The following ABCC1 variants were observed in gnomAD, a reference collection of about 807,000 sequenced individuals.
The protein encoded by ABCC1 is multidrug resistance-associated protein 1.
ABCC1 carries 83 observed loss-of-function variants against 172.9 expected under a neutral mutation model. The observed-to-expected ratio is 0.48, with a 90% CI of 0.40 to 0.58. The LOEUF (loss-of-function observed/expected upper bound fraction) is 0.58. Among genes scored for constraint, ABCC1 ranks in the 20% least tolerant of loss-of-function variants. The pLI is 0.00. For missense variants in ABCC1, 1,817 were observed against 2,002.7 expected (o/e 0.91, Z 1.77); for synonymous variants, 937 against 825.2 (o/e 1.14, Z -2.32).
chr16:16,109,877 C>T (rs1276472740), intron 21 of ABCC1, among the ~76,000 whole-genome samples: 2 of 152,162 alleles, frequency 1.3e-5, no homozygotes, highest in Non-Finnish European at 2.9e-5. Flanking sequence ...TGCTTTCTGT[C>T]AGTCTTGGCT....
intron 29 of ABCC1, among the ~76,000 whole-genome samples, chr16:16,137,173 A>G (rs1316003952): frequency 6.6e-6 from 1 of 152,196 alleles, no homozygotes; most frequent in Non-Finnish European, 1.5e-5. Flanking sequence ...ATGTTCAACC[A>G]TAAAGCAACG....
At chr16:16,133,404 TTTG>T (rs2045783967) in intron 27 of ABCC1, among the ~76,000 whole-genome samples, 1 of 151,282 alleles carries the variant, frequency 6.6e-6, no homozygotes, top group Non-Finnish European at 1.5e-5. Flanking sequence ...TTGTTTTTGT[TTTG>T]TTTTGTTTTG....
intron 1 of ABCC1, among the ~76,000 whole-genome samples, chr16:15,984,964 G>A (rs1341495954): frequency 5.3e-5 from 8 of 151,866 alleles, no homozygotes; most frequent in Non-Finnish European, 8.8e-5. Flanking sequence ...TTGGCTGGGC[G>A]TGGTGGCATA....
chr16:15,999,717 C>T lies in ABCC1; in HGVS notation c.49-8099C>T, dbSNP rs996776827. Among the ~76,000 whole-genome samples, 12 of 144,784 alleles carry T rather than the reference C, an allele frequency of 8.3e-5. No individual in the cohort carries two copies. In the East Asian group the frequency reaches 1.9e-3, roughly 23 times the overall value. The allele number at this position is 144,784 out of a possible 152,430, so 95.0% of individuals were successfully genotyped here. ...CTGGGCTCCAGCTGTCCTCCCATTT[C>T]GGTCTCCCAAATTGCTGGGATTAAA... is the stretch of plus-strand genomic sequence containing the variant. On this transcript the variant is annotated intron_variant, in intron 1 of 30. Transcript: ENST00000399410.
rs560919449 is a variant in ABCC1, at chr16:16,012,263, G to A, written c.352-2228G>A. ...GGTCACCTGGTCAGTAAGTGGTAGA[G>A]CCAGCTTCCAGTCTAGGCCCCAGCG... On this transcript the variant is annotated intron_variant, in intron 3 of 30. Coordinates refer to ENST00000399410, the MANE Select transcript of ABCC1 (RefSeq NM_004996.4). 1.2e-4 allele frequency among the ~76,000 whole-genome samples: 18 copies of A among 152,314 alleles called. No homozygotes were observed. In the South Asian group the frequency reaches 3.5e-3, roughly 30 times the overall value.
intron 1 of ABCC1, among the ~76,000 whole-genome samples, chr16:15,963,839 G>A (rs888471192): frequency 6.6e-6 from 1 of 152,148 alleles, no homozygotes; most frequent in Non-Finnish European, 1.5e-5. Flanking sequence ...TTTCCCCATT[G>A]TCTTGGAATT....
chr16:16,104,992 T>G (rs961772238), intron 20 of ABCC1, among the ~76,000 whole-genome samples: 3 of 151,008 alleles, frequency 2.0e-5, no homozygotes, highest in Admixed American at 2.0e-4. Context: ...CAGCTCCGGT[T>G]CCCTCCCGTT....
At chr16:16,101,528 G>A (rs2051747880) in intron 19 of ABCC1, among the ~76,000 whole-genome samples, 1 of 152,174 alleles carries the variant, frequency 6.6e-6, no homozygotes, top group Non-Finnish European at 1.5e-5. Context: ...GTCATCACCC[G>A]AGCATGTTCC....
Position 16,044,553 on chromosome 16 carries a change from C to G in ABCC1, c.913C>G (p.Pro305Ala). Residue 305 changes from proline (P) to alanine (A), a missense_variant, in exon 8 of 31, where the codon CCA becomes GCA. Physicochemically the swap from Pro to Ala is conservative, Grantham distance 27. Around this residue, in one of 3 missense-constraint regions of ABCC1, gnomAD observed 398 missense variants for 384.2 expected, o/e 1.04. Coordinates refer to ENST00000399410, the MANE Select transcript of ABCC1 (RefSeq NM_004996.4). ...GGTGGAGGCTTTGATCGTCAAGTCC[C>G]CACAGAAGGAGTGGAACCCCTCTCT... ...EEVEALIVKSPQKEWNPSLFK... is the reference protein window; with the variant it reads ...EEVEALIVKSAQKEWNPSLFK... The G allele has an allele frequency of 6.2e-7, 1 of 1,614,168 alleles. No homozygotes were observed. The highest frequency in any genetic ancestry group is 8.5e-7 in the Non-Finnish European group (1 of 1,180,030).
rs374204011 is a variant in ABCC1, at chr16:16,076,310, T to G, written c.1913-16T>G. 2 of 1,612,302 alleles carry G rather than the reference T, an allele frequency of 1.2e-6. No individual in the cohort carries two copies. The highest frequency in any genetic ancestry group is 1.7e-6 in the Non-Finnish European group (2 of 1,179,268). On this transcript the variant is annotated splice_polypyrimidine_tract_variant and intron_variant, in intron 14 of 30. Transcript: ENST00000399410. ...CACAGCTCAGCCTGTCCCTGACATG[T>G]CTCTGTGCTTTGTAGGCGGGGGCAC...
chr16:16,003,728 G>A (rs369128906), intron 1 of ABCC1, among the ~76,000 whole-genome samples: 1 of 109,720 alleles, frequency 9.1e-6, no homozygotes, highest in African/African-American at 3.2e-5. Context: ...TGGGTGAATT[G>A]GTGGATGGGT....
At chr16:16,139,352 C>T (rs1054275517) in intron 30 of ABCC1, among the ~76,000 whole-genome samples, 4 of 151,936 alleles carry the variant, frequency 2.6e-5, no homozygotes, top group Admixed American at 2.6e-4. Context: ...TGGCTCACGG[C>T]TGTAATCCCA....
chr16:16,083,506 C>G lies in ABCC1; in HGVS notation c.2256C>G (p.Ile752Met). ...QACALLPDLE[I>M]LPSGDRTEIG... is the part of the protein sequence containing the mutation. ...GTGCCCTCCTCCCAGACCTGGAAAT[C>G]CTGCCCAGTGGGGATCGGACAGAGA... is the stretch of plus-strand genomic sequence containing the variant. The change falls in exon 17 of 31, where the codon ATC (isoleucine) becomes ATG (methionine). Residue 752 changes from isoleucine (I) to methionine (M), a missense_variant. By Grantham distance (10) the Ile-to-Met change is conservative (BLOSUM62 1). Coordinates refer to ENST00000399410, the MANE Select transcript of ABCC1 (RefSeq NM_004996.4). 2 of 1,613,822 alleles carry G rather than the reference C, an allele frequency of 1.2e-6. No individual in the cohort carries two copies. The highest frequency in any genetic ancestry group is 1.7e-6 in the Non-Finnish European group (2 of 1,179,978).
At chr16:16,015,019 G>C (rs893140689) in intron 4 of ABCC1, among the ~76,000 whole-genome samples, 2 of 152,130 alleles carry the variant, frequency 1.3e-5, no homozygotes, top group Non-Finnish European at 2.9e-5. Flanking sequence ...TCCCCTGGGG[G>C]ACCCTAGGCT....
intron 1 of ABCC1, among the ~76,000 whole-genome samples, chr16:15,955,987 C>G (rs926341525): frequency 1.3e-5 from 2 of 152,120 alleles, no homozygotes; most frequent in African/African-American, 4.8e-5. Context: ...GTGGCTTACA[C>G]CTGTAATCTC....
Position 16,048,080 on chromosome 16 carries a change from A to AGG in ABCC1, c.1219-60_1219-59dup, listed in dbSNP as rs900483761. On this transcript the variant is annotated intron_variant, in intron 9 of 30. Coordinates refer to ENST00000399410, the MANE Select transcript of ABCC1 (RefSeq NM_004996.4). ...GTCTCCTTCCTCTCCGTGGGTCTGG[A>AGG]GGGAGAGTCAGGCCTCTTCAGCTGC... The AGG allele has an allele frequency of 3.2e-6, 5 of 1,577,728 alleles. No individual in the cohort carries two copies. In the Admixed American group the frequency reaches 5.0e-5, roughly 16 times the overall value.
chr16:16,073,361 A>G (rs553044535), intron 14 of ABCC1, among the ~76,000 whole-genome samples: 12 of 152,314 alleles, frequency 7.9e-5, no homozygotes, highest in African/African-American at 2.9e-4. Context: ...AGCACCTACT[A>G]TGTGCCAAGC....
At chr16:15,985,685 T>A (rs1337560757) in intron 1 of ABCC1, among the ~76,000 whole-genome samples, 1 of 152,026 alleles carries the variant, frequency 6.6e-6, no homozygotes, top group East Asian at 1.9e-4. Context: ...CCTCAGGTGA[T>A]CCTCCTGCTT....
At chr16:16,120,898 A>G (rs992037827) in intron 23 of ABCC1, among the ~76,000 whole-genome samples, 1 of 152,096 alleles carries the variant, frequency 6.6e-6, no homozygotes, top group African/African-American at 2.4e-5. Context: ...GTCACTCCTG[A>G]GGGGATGTGA....
Sources: gnomAD v4.1 joint callset for allele counts (sites outside exome capture counted in the v4.1 genomes callset) on GRCh38, gnomAD v4.1.1 for gene constraint, gnomAD v4.1.1 regional missense constraint, MANE v1.5 for transcripts, NCBI Gene and HGNC (gene_info 2026-07-23, HGNC 2026-07-21) for gene names.